The following CPPED1 variants were observed in gnomAD, a reference collection of about 807,000 sequenced individuals.
The protein encoded by CPPED1 is serine/threonine-protein phosphatase CPPED1.
Under a neutral mutation model 28.0 loss-of-function variants are expected in CPPED1, and 28 were observed. That is an observed-to-expected ratio of 1.00 (90% CI 0.74 to 1.37). The LOEUF (loss-of-function observed/expected upper bound fraction) is 1.37, where lower values mean the gene tolerates loss of function less well. Among genes scored for constraint, CPPED1 ranks in the 40% most tolerant of loss-of-function variants. The pLI is 0.00. For missense variants in CPPED1, 504 were observed against 416.5 expected (o/e 1.21, Z -1.83); for synonymous variants, 198 against 180.2 (o/e 1.10, Z -0.79).
chr16:12,674,219 T>C (rs1282229391), intron 3 of CPPED1, among the ~76,000 whole-genome samples: 2 of 152,084 alleles, frequency 1.3e-5, no homozygotes, highest in East Asian at 1.9e-4. Flanking sequence ...GTGATGAGTT[T>C]ACAAAGAGAC....
At position 12,709,268 on chromosome 16, in the gene CPPED1, G is replaced by T. The variant is rs541694786; in HGVS notation, c.290-4219C>A. Among the ~76,000 whole-genome samples the T allele has an allele frequency of 1.1e-3, 171 of 152,256 alleles. No homozygotes were observed. The highest frequency in any genetic ancestry group is 2.0e-3 in the Non-Finnish European group (138 of 68,012). ...AGAAAGGCAGGGAAACAAGGGGAAA[G>T]ACTCTGAAAAATGGCAAGACATGAC... On this transcript the variant is annotated intron_variant, in intron 2 of 3. Coordinates refer to ENST00000381774, the MANE Select transcript of CPPED1 (RefSeq NM_018340.3). This position sits in a 1 kb window ranked among gnomAD's most constrained non-coding sequence, Gnocchi z 4.4.
At chr16:12,691,150 T>C (rs142380082) in intron 3 of CPPED1, among the ~76,000 whole-genome samples, 35 of 152,386 alleles carry the variant, frequency 2.3e-4, no homozygotes, top group African/African-American at 8.2e-4. Flanking sequence ...AGCTGGTTGA[T>C]GCTGGGGAAG....
At position 12,680,133 on chromosome 16, in the gene CPPED1, G is replaced by A. The variant is rs187155776; in HGVS notation, c.716-15018C>T. Among the ~76,000 whole-genome samples, 131 of 152,200 alleles carry A rather than the reference G, an allele frequency of 8.6e-4. 1 individual carries two copies. Among genetic ancestry groups the A allele is most frequent in the African/African-American group, 3.0e-3 (124 of 41,526 alleles). ...GTTTCCTAAAAAAATCATTTAGAAG[G>A]TAATGTCTGCTTCCTAGGCCCATTC... is the stretch of plus-strand genomic sequence containing the variant. On this transcript the variant is annotated intron_variant, in intron 3 of 3. Coordinates refer to ENST00000381774, the MANE Select transcript of CPPED1 (RefSeq NM_018340.3).
rs955481629 is a variant in CPPED1, at chr16:12,660,863, A to T, written c.*4023T>A. On this transcript the variant is annotated 3_prime_UTR_variant, in exon 4 of 4. Coordinates refer to ENST00000381774, the MANE Select transcript of CPPED1 (RefSeq NM_018340.3). ...TACAGTGGCCAACGCCTGTAATCCC[A>T]ACACTTTGGGAGGCCAAGGTGGAAG... 2.6e-5 allele frequency: 4 copies of T among 152,402 alleles called. No homozygotes were observed. The highest frequency in any genetic ancestry group is 9.6e-5 in the African/African-American group (4 of 41,478). The allele number at this position is 152,402 out of a possible 1,614,324, so 9.4% of individuals were successfully genotyped here. A position where few individuals can be genotyped will look rare whatever the true frequency, so the allele number is the denominator to read the frequency against.
intron 3 of CPPED1, among the ~76,000 whole-genome samples, chr16:12,673,175 C>T (rs1805950003): frequency 6.6e-6 from 1 of 152,110 alleles, no homozygotes; most frequent in Non-Finnish European, 1.5e-5. Context: ...CCTGATGGGT[C>T]CTTGCCATAA....
intron 2 of CPPED1, among the ~76,000 whole-genome samples, chr16:12,754,200 A>C (rs79480122): frequency 0.019 from 2,905 of 152,312 alleles, 90 homozygotes; most frequent in East Asian, 0.14. Context: ...GAGGGTTTAG[A>C]GGCTCTGTTT....
intron 3 of CPPED1, among the ~76,000 whole-genome samples, chr16:12,696,744 G>C (rs948543618): frequency 1.1e-4 from 16 of 151,950 alleles, no homozygotes; most frequent in Non-Finnish European, 2.1e-4. Context: ...CGCCTGGCCT[G>C]ACTTGTCTTT....
rs144661673 is a variant in CPPED1, at chr16:12,750,924, T to G, written c.289+30261A>C. Among the ~76,000 whole-genome samples the G allele has an allele frequency of 4.8e-3, 733 of 151,870 alleles. 11 individuals carry two copies. The highest frequency in any genetic ancestry group is 0.017 in the African/African-American group (708 of 41,418). ...TGGAGGTTGCAGCGAGCCAAGACTG[T>G]GCCACTGCACTCCAGCCTGGGTGAC... On this transcript the variant is annotated intron_variant, in intron 2 of 3. Coordinates refer to ENST00000381774, the MANE Select transcript of CPPED1 (RefSeq NM_018340.3).
chr16:12,731,971 T>C (rs2080200195), intron 2 of CPPED1, among the ~76,000 whole-genome samples: 1 of 151,784 alleles, frequency 6.6e-6, no homozygotes, highest in African/African-American at 2.4e-5. Flanking sequence ...GAGACCAGCC[T>C]GGCCAAAAGG....
chr16:12,674,782 T>G (rs889855872), intron 3 of CPPED1, among the ~76,000 whole-genome samples: 45 of 152,356 alleles, frequency 3.0e-4, no homozygotes, highest in African/African-American at 9.9e-4. Context: ...GAGCCCATTC[T>G]GCTTTGGGAC....
chr16:12,705,187 A>T, intron 2 of CPPED1, 138 bp from the exon 3 acceptor site: 1 of 929,262 alleles, frequency 1.1e-6, no homozygotes, highest in Non-Finnish European at 1.6e-6. Flanking sequence ...GAAACTGCAA[A>T]ATGCAGTCAC....
chr16:12,788,758 C>T (rs922555007), intron 1 of CPPED1, among the ~76,000 whole-genome samples: 6 of 152,200 alleles, frequency 3.9e-5, no homozygotes, highest in African/African-American at 1.4e-4. Flanking sequence ...TTATCCACCT[C>T]AATACTGACA....
intron 3 of CPPED1, among the ~76,000 whole-genome samples, chr16:12,686,439 T>C (rs1467052258): frequency 4.6e-5 from 7 of 152,214 alleles, no homozygotes; most frequent in Non-Finnish European, 1.0e-4. Flanking sequence ...GTTCCCCTGC[T>C]GTCCAAGAGG....
intron 1 of CPPED1, among the ~76,000 whole-genome samples, chr16:12,788,265 C>G (rs745748805): frequency 6.6e-6 from 1 of 152,202 alleles, no homozygotes; most frequent in South Asian, 2.1e-4. Flanking sequence ...GGGGATCACA[C>G]AAAGCATGAA....
chr16:12,782,949 T>G (rs1166276504), intron 1 of CPPED1, among the ~76,000 whole-genome samples: 1 of 152,164 alleles, frequency 6.6e-6, no homozygotes, highest in Non-Finnish European at 1.5e-5. Context: ...ATGATGATGC[T>G]GTAATTTCCA....
At chr16:12,757,080 C>A (rs1414411189) in intron 2 of CPPED1, among the ~76,000 whole-genome samples, 1 of 152,134 alleles carries the variant, frequency 6.6e-6, no homozygotes, top group Admixed American at 6.5e-5. Flanking sequence ...GGATGACCAA[C>A]TAAGTTACAG....
At chr16:12,667,165 C>T (rs1169546984) in intron 3 of CPPED1, among the ~76,000 whole-genome samples, 4 of 151,968 alleles carry the variant, frequency 2.6e-5, no homozygotes, top group Admixed American at 2.6e-4. Flanking sequence ...TCACATTGAC[C>T]CTGAAATGAA....
At chr16:12,673,516 C>T (rs2079862891) in intron 3 of CPPED1, among the ~76,000 whole-genome samples, 1 of 152,140 alleles carries the variant, frequency 6.6e-6, no homozygotes, top group African/African-American at 2.4e-5. Flanking sequence ...TTAAGTTTCA[C>T]ACCATATTGA....
At chr16:12,701,485 C>T (rs916784519) in intron 3 of CPPED1, among the ~76,000 whole-genome samples, 5 of 151,982 alleles carry the variant, frequency 3.3e-5, no homozygotes, top group African/African-American at 4.8e-5. Flanking sequence ...GGTAGTGACC[C>T]GAGATCATGC....
Sources: allele counts gnomAD v4.1 joint callset (sites outside exome capture counted in the v4.1 genomes callset), GRCh38; gene constraint gnomAD v4.1.1; non-coding constraint Gnocchi (gnomAD v3.1); transcripts MANE v1.5; gene names NCBI Gene and HGNC (gene_info 2026-07-23, HGNC 2026-07-21).